ATP5PO: variants seen among roughly 807,000 people sequenced by gnomAD.
ATP5PO encodes the protein ATP synthase peripheral stalk subunit OSCP, mitochondrial.
Under a neutral mutation model 26.2 loss-of-function variants are expected in ATP5PO, and 14 were observed. The ratio of observed to expected loss-of-function variants is 0.53; its 90% CI spans 0.35 to 0.83. The LOEUF (loss-of-function observed/expected upper bound fraction) is 0.83, where lower values mean the gene tolerates loss of function less well. ATP5PO is among the 40% of genes least tolerant of loss of function. ATP5PO has a pLI of 0.01. For missense variants in ATP5PO, 241 were observed against 258.5 expected, an observed-to-expected ratio of 0.93 and a Z score of 0.46; for synonymous variants, 106 against 95.1, an observed-to-expected ratio of 1.12 and a Z score of -0.67.
At chr21:33,906,180 A>G (rs1182094938) in intron 5 of ATP5PO, among the ~76,000 whole-genome samples, 1 of 152,126 alleles carries the variant, frequency 6.6e-6, no homozygotes, top group Non-Finnish European at 1.5e-5. Context: ...CCTCTCCTTG[A>G]ATCTGTGCTA....
Position 33,904,051 on chromosome 21 carries a change from G to C in ATP5PO, c.442-30C>G, listed in dbSNP as rs200381406. 40 of 1,571,312 alleles carry C rather than the reference G, an allele frequency of 2.5e-5. No individual in the cohort carries two copies. The East Asian group carries it at 9.0e-4, about 35-fold the overall frequency. ...AAGGCAAAACCATCCTTTCAATTTA[G>C]ATAAAGCAAAACAGAAACTTCCAGA... On this transcript the variant is annotated intron_variant, in intron 5 of 6. Transcript: ENST00000290299.
intron 2 of ATP5PO, among the ~76,000 whole-genome samples, chr21:33,913,985 G>A (rs1859697517): frequency 6.6e-6 from 1 of 151,924 alleles, no homozygotes; most frequent in Non-Finnish European, 1.5e-5. Context: ...TCATCATGTC[G>A]GCCAGGCTGG....
intron 5 of ATP5PO, 46 bp downstream of exon 5, chr21:33,907,295 A>G: frequency 6.7e-7 from 1 of 1,491,748 alleles, no homozygotes; most frequent in East Asian, 2.3e-5. Context: ...AAAAGGTGAC[A>G]CATGTAATAT....
chr21:33,907,476 G>A (rs377430316), intron 4 of ATP5PO, 23 bp from the exon 5 acceptor site: 20 of 1,590,988 alleles, frequency 1.3e-5, no homozygotes, highest in African/African-American at 5.4e-5. Context: ...AGGTGTCTCA[G>A]TAACAAGAAA....
intron 5 of ATP5PO, chr21:33,907,136 C>G: frequency 5.4e-6 from 3 of 550,632 alleles, no homozygotes; most frequent in Non-Finnish European, 9.7e-6. Context: ...TGAATAATCA[C>G]TGGTTACAGA....
intron 2 of ATP5PO, among the ~76,000 whole-genome samples, chr21:33,913,502 G>A (rs941619525): frequency 1.3e-5 from 2 of 152,196 alleles, no homozygotes; most frequent in Non-Finnish European, 2.9e-5. Context: ...ATAACCCATA[G>A]AAATGGAATC....
rs34768404 is a variant in ATP5PO at position 33,908,169 on chromosome 21, C to CA, written c.329-717dup. The stretch of plus-strand genomic sequence containing the variant: ...GGTGACAGAAAGGGACACCCAGGCT[C>CA]AAAAAAAAAAAAAAAAAAAAAGAAT... On this transcript the variant is annotated intron_variant, in intron 4 of 6. Transcript: ENST00000290299. 7.5e-3 allele frequency among the ~76,000 whole-genome samples: 728 copies of CA among 97,500 alleles called. 10 individuals carry two copies. Among genetic ancestry groups the CA allele is most frequent in the African/African-American group, 0.018 (445 of 25,176 alleles). The allele number at this position is 97,500 out of a possible 152,430, so 64.0% of individuals were successfully genotyped here. A position where few individuals can be genotyped will look rare whatever the true frequency, so the allele number is the denominator to read the frequency against.
chr21:33,905,417 A>G (rs1218532514), intron 5 of ATP5PO, among the ~76,000 whole-genome samples: 1 of 152,118 alleles, frequency 6.6e-6, no homozygotes, highest in African/African-American at 2.4e-5. Flanking sequence ...AACTCACCTA[A>G]GGCCACATCA....
chr21:33,904,750 CT>C (rs997311793), intron 5 of ATP5PO, among the ~76,000 whole-genome samples: 1 of 151,908 alleles, frequency 6.6e-6, no homozygotes, highest in Non-Finnish European at 1.5e-5. Flanking sequence ...AACCAAAGGC[CT>C]TTTTTTTGAG....
At chr21:33,905,560 G>A (rs1032493863) in intron 5 of ATP5PO, among the ~76,000 whole-genome samples, 2 of 152,144 alleles carry the variant, frequency 1.3e-5, no homozygotes, top group African/African-American at 4.8e-5. Context: ...AACATCAAAA[G>A]CATTAGTAAC....
intron 3 of ATP5PO, among the ~76,000 whole-genome samples, chr21:33,910,003 C>T (rs1051532022): frequency 2.2e-4 from 34 of 152,148 alleles, no homozygotes; most frequent in African/African-American, 7.2e-4. Flanking sequence ...CCAGAGCGGC[C>T]CCAAAGAGTC....
intron 2 of ATP5PO, 109 bp downstream of exon 2, chr21:33,914,341 C>A: frequency 9.2e-7 from 1 of 1,087,398 alleles, no homozygotes; most frequent in Non-Finnish European, 1.4e-6. Context: ...ACAAGTCACG[C>A]AAAAAGGTTT....
At chr21:33,909,469 T>C (rs1214547585) in intron 3 of ATP5PO, among the ~76,000 whole-genome samples, 1 of 152,174 alleles carries the variant, frequency 6.6e-6, no homozygotes. Flanking sequence ...TTTCGCCATG[T>C]TGACCAGGCT....
rs755961843 is a variant in ATP5PO, at chr21:33,914,467, A to G, written c.70T>C (p.Phe24Leu). The G allele has an allele frequency of 4.6e-5, 75 of 1,613,086 alleles. No homozygotes were observed. In the East Asian group the frequency reaches 1.6e-3, roughly 34 times the overall value. The change falls in exon 2 of 7, where the codon TTT becomes CTT. Residue 24 changes from phenylalanine to leucine, a missense_variant. By Grantham distance (22) the Phe-to-Leu change is conservative. Transcript: ENST00000290299. Reference sequence around the variant, plus strand: ...TAACATACCCTCACAAGCTTGGCAAATGGTCTGACCACAGAGGTACTGAAG... The same window carrying G: ...TAACATACCCTCACAAGCTTGGCAAGTGGTCTGACCACAGAGGTACTGAAG... ...RCFSTSVVRP[F>L]AKLVRPPVQV...
chr21:33,903,926 A>T lies in ATP5PO; in HGVS notation c.528+9T>A, dbSNP rs780608068. ...CGAGAAAACGTACCATAAATAATTT[A>T]AAACCTACCTTAGCCTCCAATTTCA... On this transcript the variant is annotated intron_variant, in intron 6 of 6. Coordinates refer to ENST00000290299, the MANE Select transcript of ATP5PO (RefSeq NM_001697.3). The T allele has an allele frequency of 3.8e-6, 6 of 1,595,560 alleles. No individual in the cohort carries two copies. The highest frequency in any genetic ancestry group is 5.1e-6 in the Non-Finnish European group (6 of 1,169,820).
Position 33,907,344 on chromosome 21 carries a change from T to C in ATP5PO, c.438A>G (p.Ala146=). The change falls in exon 5 of 7, where the codon GCA becomes GCG. Residue 146 remains alanine, a synonymous_variant. Coordinates refer to ENST00000290299, the MANE Select transcript of ATP5PO (RefSeq NM_001697.3). ...RGEVPCTVTS[A]SPLEEATLSE... is the part of the protein sequence containing the mutation. ...GCAGCAACAACCCGTTACTTACAGA[T>C]GCAGAGGTCACTGTGCAAGGTACCT... is the stretch of plus-strand genomic sequence containing the variant. 2 of 1,611,266 alleles carry C rather than the reference T, an allele frequency of 1.2e-6. No homozygotes were observed. The highest frequency in any genetic ancestry group is 8.5e-7 in the Non-Finnish European group (1 of 1,177,448).
chr21:33,912,776 T>C (rs936869192), intron 2 of ATP5PO, among the ~76,000 whole-genome samples: 2 of 152,256 alleles, frequency 1.3e-5, no homozygotes, highest in African/African-American at 2.4e-5. Context: ...TGAACACTGA[T>C]AGACAGTTTC....
intron 3 of ATP5PO, among the ~76,000 whole-genome samples, chr21:33,910,634 T>C (rs1987235300): frequency 6.6e-6 from 1 of 152,190 alleles, no homozygotes; most frequent in Non-Finnish European, 1.5e-5. Context: ...AACTGACAAG[T>C]AGCAGACAAT....
intron 3 of ATP5PO, 149 bp downstream of exon 3, chr21:33,912,140 C>T: frequency 1.2e-5 from 6 of 498,642 alleles, no homozygotes; most frequent in South Asian, 4.3e-5. Context: ...TAATAAAAAC[C>T]CAATATTATT....
Sources: gnomAD v4.1 joint callset for allele counts (sites outside exome capture counted in the v4.1 genomes callset) on GRCh38, gnomAD v4.1.1 for gene constraint, MANE v1.5 for transcripts, NCBI Gene and HGNC (gene_info 2026-07-23, HGNC 2026-07-21) for gene names.